The following EIF3L variants were observed in gnomAD, a reference collection of about 807,000 sequenced individuals.
The protein encoded by EIF3L is eukaryotic translation initiation factor 3 subunit L.
Under a neutral mutation model 74.6 loss-of-function variants are expected in EIF3L, and 32 were observed. The observed-to-expected ratio is 0.43, with a 90% confidence interval of 0.32 to 0.58. The LOEUF is 0.58. EIF3L is among the 20% of genes least tolerant of loss of function. The pLI, the probability that EIF3L is intolerant of heterozygous loss-of-function variation, is 0.06. For missense variants in EIF3L, 474 were observed against 707.8 expected, an observed-to-expected ratio of 0.67 and a Z score of 3.75; for synonymous variants, 256 against 254.4, an observed-to-expected ratio of 1.01 and a Z score of -0.06.
intron 7 of EIF3L, among the ~76,000 whole-genome samples, chr22:37,864,063 CA>C (rs556782593): frequency 1.1e-3 from 152 of 137,898 alleles, no homozygotes; most frequent in Non-Finnish European, 9.5e-4. Flanking sequence ...GACTCCATCT[CA>C]AAAAAAAAAA....
chr22:37,851,200 T>C (rs1925198819), intron 2 of EIF3L, 80 bp from the exon 3 acceptor site: 2 of 1,213,596 alleles, frequency 1.6e-6, no homozygotes, highest in Non-Finnish European at 2.4e-6. Context: ...TGAGTTTAGT[T>C]TCTGGGGTGG....
At position 37,881,534 on chromosome 22, in the gene EIF3L, G is replaced by A. The variant is rs191693127; in HGVS notation, c.1575+3363G>A. 2.2e-3 allele frequency: 337 copies of A among 152,278 alleles called. 5 individuals carry two copies. Among genetic ancestry groups the A allele is most frequent in the Non-Finnish European group, 1.1e-3 (72 of 68,084 alleles). The allele number at this position is 152,278 out of a possible 1,614,324, so 9.4% of individuals were successfully genotyped here. ...GGCGATTTTCCTGCCTCAGCCTCCC[G>A]AGTAGCTGGGATGTACAGGGATGCG... is the stretch of plus-strand genomic sequence containing the variant. On this transcript the variant is annotated intron_variant, in intron 11 of 12. Coordinates refer to ENST00000652021, the MANE Select transcript of EIF3L (RefSeq NM_016091.4).
intron 4 of EIF3L, among the ~76,000 whole-genome samples, chr22:37,858,382 G>T (rs931644971): frequency 1.3e-5 from 2 of 151,722 alleles, no homozygotes; most frequent in Non-Finnish European, 2.9e-5. Context: ...GCACCACCAC[G>T]CTTGTCTAAT....
At chr22:37,856,660 C>T (rs1443174234) in intron 4 of EIF3L, among the ~76,000 whole-genome samples, 1 of 151,894 alleles carries the variant, frequency 6.6e-6, no homozygotes, top group Non-Finnish European at 1.5e-5. Flanking sequence ...GCCTGATTAA[C>T]GTGGAGAAAC....
Position 37,865,817 on chromosome 22 carries a change from T to A in EIF3L, c.579+2472T>A, listed in dbSNP as rs545712599. ...ATTTATAGATGAATAGCAGTCTTTT[T>A]GACTTAGAGCAAGTGAAGAAGGATC... On this transcript the variant is annotated intron_variant, in intron 7 of 12. Coordinates refer to ENST00000652021, the MANE Select transcript of EIF3L (RefSeq NM_016091.4). 3.9e-5 allele frequency among the ~76,000 whole-genome samples: 6 copies of A among 152,360 alleles called. No homozygotes were observed. In the East Asian group the frequency reaches 1.2e-3, roughly 29 times the overall value.
intron 4 of EIF3L, among the ~76,000 whole-genome samples, chr22:37,856,367 G>T (rs925959840): frequency 5.9e-5 from 9 of 151,996 alleles, no homozygotes; most frequent in Admixed American, 3.3e-4. Context: ...ATGAGCCACC[G>T]CACCCAGCCT....
intron 3 of EIF3L, among the ~76,000 whole-genome samples, chr22:37,854,731 T>G (rs1043970047): frequency 6.6e-6 from 1 of 152,190 alleles, no homozygotes; most frequent in Non-Finnish European, 1.5e-5. Context: ...CCTCCCAAAG[T>G]GTTGAGATTA....
chr22:37,866,555 G>T (rs149538260), intron 7 of EIF3L, among the ~76,000 whole-genome samples: 1 of 152,174 alleles, frequency 6.6e-6, no homozygotes, highest in African/African-American at 2.4e-5. Flanking sequence ...GGAAGCCAAG[G>T]CGGGTGGATC....
At chr22:37,883,567 C>G (rs1307867726) in intron 11 of EIF3L, 2 of 144,064 alleles carry the variant, frequency 1.4e-5, no homozygotes, top group Non-Finnish European at 3.0e-5. Flanking sequence ...GGCGACAGAG[C>G]GAGACTCCAT....
At chr22:37,885,000 C>G (rs954518513) in intron 11 of EIF3L, 4 of 141,750 alleles carry the variant, frequency 2.8e-5, no homozygotes, top group Non-Finnish European at 4.5e-5. Flanking sequence ...TCACTGCAGC[C>G]TCAACTCCCG....
At chr22:37,873,303 GTTT>G (rs373464512) in intron 8 of EIF3L, among the ~76,000 whole-genome samples, 1 of 129,880 alleles carries the variant, frequency 7.7e-6, no homozygotes, top group African/African-American at 3.0e-5. Flanking sequence ...AGTTTTTTTT[GTTT>G]TTTTTTTTTT....
intron 3 of EIF3L, among the ~76,000 whole-genome samples, chr22:37,852,226 G>C (rs1473236304): frequency 2.0e-5 from 3 of 152,160 alleles, no homozygotes; most frequent in Non-Finnish European, 2.9e-5. Flanking sequence ...TGTTCAGTGT[G>C]TTGTTTGTGT....
intron 11 of EIF3L, chr22:37,885,748 T>C (rs1261107209): frequency 6.7e-6 from 1 of 149,300 alleles, no homozygotes; most frequent in East Asian, 2.0e-4. Flanking sequence ...GGATTACAGG[T>C]GCCCGCCACT....
chr22:37,854,524 A>G (rs1925393495), intron 3 of EIF3L, among the ~76,000 whole-genome samples: 2 of 152,150 alleles, frequency 1.3e-5, no homozygotes, highest in African/African-American at 2.4e-5. Context: ...CTAGAGTGCA[A>G]TGGCGCAATC....
intron 3 of EIF3L, among the ~76,000 whole-genome samples, chr22:37,852,708 C>T (rs1177643441): frequency 4.6e-5 from 7 of 152,036 alleles, no homozygotes; most frequent in African/African-American, 1.7e-4. Context: ...TCACCCCTGC[C>T]ACTCTCGTGA....
chr22:37,884,679 T>C (rs1043310456), intron 11 of EIF3L: 1 of 152,058 alleles, frequency 6.6e-6, no homozygotes, highest in Admixed American at 6.6e-5. Context: ...TAGCGTGTAC[T>C]TGTAGTCCCA....
chr22:37,852,816 CTT>C (rs1171855120), intron 3 of EIF3L, among the ~76,000 whole-genome samples: 1 of 151,624 alleles, frequency 6.6e-6, no homozygotes, highest in African/African-American at 2.4e-5. Flanking sequence ...AACAGAGTCA[CTT>C]ATGACCAAGA....
intron 8 of EIF3L, 120 bp downstream of exon 8, chr22:37,870,467 T>A (rs527888527): frequency 6.9e-5 from 69 of 1,004,258 alleles, no homozygotes; most frequent in Non-Finnish European, 9.2e-5. Flanking sequence ...TGGTGGTCTG[T>A]TGACTCTTTG....
Position 37,851,638 on chromosome 22 carries a change from T to C in EIF3L, c.293+148T>C, listed in dbSNP as rs1442691343. ...TGTGAGTCCTTGAGGCTAGGGACATTTTATTTTGTTAGACTTTATTTTATT... is the reference window on the plus strand; with the variant it reads ...TGTGAGTCCTTGAGGCTAGGGACATCTTATTTTGTTAGACTTTATTTTATT... On this transcript the variant is annotated intron_variant, in intron 3 of 12. Coordinates refer to ENST00000652021, the MANE Select transcript of EIF3L (RefSeq NM_016091.4). 3.1e-5 allele frequency: 19 copies of C among 622,138 alleles called. No individual in the cohort carries two copies. In the Admixed American group the frequency reaches 5.0e-4, roughly 16 times the overall value. 38.5% of individuals were successfully genotyped at this position (622,138 alleles called of 1,614,324 possible). A position where few individuals can be genotyped will look rare whatever the true frequency, so the allele number is the denominator to read the frequency against.
Sources: gnomAD v4.1 joint callset for allele counts (sites outside exome capture counted in the v4.1 genomes callset) on GRCh38, gnomAD v4.1.1 for gene constraint, MANE v1.5 for transcripts, NCBI Gene and HGNC (gene_info 2026-07-23, HGNC 2026-07-21) for gene names.